Variants in SGO1 observed in about 807,000 individuals in gnomAD.
The protein encoded by SGO1 is serologically defined breast cancer antigen NY-BR-85.
In SGO1, 39 loss-of-function variants were observed where a neutral mutation model predicts 50.5. That is an observed-to-expected ratio of 0.77 (90% confidence interval 0.60 to 1.01). The LOEUF is 1.01. SGO1 is among the 50% of genes least tolerant of loss of function. SGO1 has a pLI of 0.00. For synonymous variants in SGO1, 191 were observed against 205.1 expected (o/e 0.93, Z 0.59); for missense variants, 638 against 606.0 (o/e 1.05, Z -0.55).
downstream of SGO1, among the ~76,000 whole-genome samples, chr3:20,167,126 T>C (rs1700346657): frequency 1.3e-5 from 2 of 151,962 alleles, no homozygotes; most frequent in South Asian, 2.1e-4. Flanking sequence ...AATAAAGCAA[T>C]GCAAAGAAGC....
Position 20,183,600 on chromosome 3 carries a change from G to C in SGO1, c.339+8C>G. ...AACTAAGAAATTCGGCCTTAGTAAT[G>C]AAAATACCTGAGCAGGTTCTACTGT... On this transcript the variant is annotated splice_region_variant and intron_variant, in intron 3 of 7. Coordinates refer to ENST00000412997, the MANE Select transcript of SGO1 (RefSeq NM_001199251.3). 2 of 1,562,580 alleles carry C rather than the reference G, an allele frequency of 1.3e-6. No individual in the cohort carries two copies. The highest frequency in any genetic ancestry group is 1.7e-6 in the Non-Finnish European group (2 of 1,160,444).
chr3:20,160,948 G>C, exon 9 of SGO1: 3 of 1,106,910 alleles, frequency 2.7e-6, no homozygotes, highest in Non-Finnish European at 3.8e-6. Flanking sequence ...TAATTAAAGG[G>C]CTTAGATTTT....
Position 20,170,763 on chromosome 3 carries a change from TAGG to T in SGO1, c.1522_1524del (p.Pro508del), listed in dbSNP as rs747279794. The T allele has an allele frequency of 4.4e-6, 7 of 1,595,716 alleles. No individual in the cohort carries two copies. Among genetic ancestry groups the T allele is most frequent in the Non-Finnish European group, 5.1e-6 (6 of 1,175,862 alleles). ...CTCAAATCCTTTTTCTGCTTGAAAA[TAGG>T]AGAATTCAAAAAACACAAATCTGTA... On this transcript the variant is annotated inframe_deletion, in exon 8 of 8. Coordinates refer to ENST00000412997, the MANE Select transcript of SGO1 (RefSeq NM_001199251.3).
At chr3:20,165,689 C>T (rs1160508730), downstream of SGO1, among the ~76,000 whole-genome samples, 4 of 151,958 alleles carry the variant, frequency 2.6e-5, no homozygotes, top group African/African-American at 9.7e-5. Context: ...GCCTTGATAC[C>T]GAAAATAGGT....
intron 4 of SGO1, 124 bp downstream of exon 4, chr3:20,178,147 C>G: frequency 2.9e-6 from 2 of 682,516 alleles, no homozygotes; most frequent in Admixed American, 5.0e-5. Context: ...AATATATTCT[C>G]AGTAGAGAAA....
Position 20,170,018 on chromosome 3 carries a change from C to A in SGO1, c.*686G>T, listed in dbSNP as rs1328907605. 1 of 984,646 alleles carries A rather than the reference C, an allele frequency of 1.0e-6. No individual in the cohort carries two copies. Among genetic ancestry groups the A allele is most frequent in the African/African-American group, 1.7e-5 (1 of 57,194 alleles). 61.0% of individuals were successfully genotyped at this position (984,646 alleles called of 1,614,324 possible). A position where few individuals can be genotyped will look rare whatever the true frequency, so the allele number is the denominator to read the frequency against. The stretch of plus-strand genomic sequence containing the variant: ...CTTAGAAAATCATTCACTTTAGTAT[C>A]CCCTACTTAAGGGAAAAATAGAGAT... On this transcript the variant is annotated 3_prime_UTR_variant, in exon 8 of 8. Coordinates refer to ENST00000412997, the MANE Select transcript of SGO1 (RefSeq NM_001199251.3).
intron 6 of SGO1, among the ~76,000 whole-genome samples, chr3:20,171,693 CCT>C (rs899651720): frequency 1.1e-4 from 17 of 152,202 alleles, no homozygotes; most frequent in African/African-American, 4.1e-4. Context: ...GGAATCAAGT[CCT>C]CTCTCTTTCA....
In SGO1 at chr3:20,183,922, G is replaced by A. The variant is rs377471833; in HGVS notation, c.106C>T (p.Arg36Cys). ...CATGGTGCAGCTATAAAAGACCTGC[G>A]TTTGCCAATCTCTGCCAAGTTTTTA... ...RNKNLAEIGK[R>C]RSFIAAPCQI... The change falls in exon 2 of 8, where the codon CGC (arginine) becomes TGC (cysteine). Residue 36 changes from arginine to cysteine, a missense_variant. Coordinates refer to ENST00000412997, the MANE Select transcript of SGO1 (RefSeq NM_001199251.3). 50 of 1,612,476 alleles carry A rather than the reference G, an allele frequency of 3.1e-5. No homozygotes were observed. Among genetic ancestry groups the A allele is most frequent in the Non-Finnish European group, 4.1e-5 (48 of 1,179,670 alleles).
rs779035279 is a variant in SGO1, at chr3:20,171,063, A to T, written c.1452T>A (p.Tyr484Ter). 6.3e-7 allele frequency: 1 copy of T among 1,595,996 alleles called. No homozygotes were observed. Among genetic ancestry groups the T allele is most frequent in the Non-Finnish European group, 8.5e-7 (1 of 1,175,452 alleles). The change falls in exon 7 of 8, where the codon TAT becomes TAA. Residue 484 changes from tyrosine (Y) to a stop codon, truncating the protein, a stop_gained. Transcript: ENST00000412997. LOFTEE classifies it high-confidence loss of function. ...PKRRCTASVN[Y>*]KEPTLASKLR... ...CTTACGAAGCGAGGGTGGGCTCCTT[A>T]TAGTTCACGCTGGCTGTGCACCTAC...
rs1224446548 is a variant in SGO1 at position 20,174,234 on chromosome 3, A to G, written c.1282+15T>C. On this transcript the variant is annotated intron_variant, in intron 6 of 7. Transcript: ENST00000412997. ...ACGAACATTAAAAATACAGGTAAAC[A>G]AGTAGATCACTTACTGGTAGGAGTT... 1.3e-6 allele frequency: 2 copies of G among 1,575,778 alleles called. No homozygotes were observed. The highest frequency in any genetic ancestry group is 1.1e-5 in the South Asian group (1 of 90,184).
chr3:20,186,656 AAGG>A (rs1050656179), upstream of SGO1: 2 of 152,210 alleles, frequency 1.3e-5, no homozygotes, highest in Non-Finnish European at 2.9e-5. Context: ...CTGGATTAAA[AAGG>A]TATTAGGGAA....
intron 6 of SGO1, among the ~76,000 whole-genome samples, chr3:20,171,569 G>T (rs1410945022): frequency 3.3e-5 from 5 of 152,096 alleles, no homozygotes; most frequent in Non-Finnish European, 7.4e-5. Flanking sequence ...AGACAGTGTT[G>T]AAATATTAAT....
At chr3:20,177,746 T>C (rs79476323) in intron 4 of SGO1, among the ~76,000 whole-genome samples, 2,508 of 152,354 alleles carry the variant, frequency 0.016, 25 homozygotes, top group Middle Eastern at 0.037. Context: ...TTTTACTGTT[T>C]ATAATTAAAT....
chr3:20,167,132 GAAGCCCATTCTATGACA>G (rs1700346964), downstream of SGO1, among the ~76,000 whole-genome samples: 1 of 152,058 alleles, frequency 6.6e-6, no homozygotes, highest in Admixed American at 6.6e-5. Context: ...GCAATGCAAA[GAAGCCCATTCTATGACA>G]AAGCTAGGAA....
chr3:20,173,350 G>C (rs1420886950), intron 6 of SGO1, among the ~76,000 whole-genome samples: 1 of 151,990 alleles, frequency 6.6e-6, no homozygotes, highest in Non-Finnish European at 1.5e-5. Flanking sequence ...ATGTTGGCCA[G>C]GCTGGTCTTG....
chr3:20,171,980 A>G (rs1700793788), intron 6 of SGO1, among the ~76,000 whole-genome samples: 1 of 152,192 alleles, frequency 6.6e-6, no homozygotes, highest in Non-Finnish European at 1.5e-5. Flanking sequence ...TGTATCCCCA[A>G]AAAAGTAAAA....
At position 20,163,384 on chromosome 3, in the gene SGO1, T is replaced by A. The variant is rs115111114; in HGVS notation, c.1565-2158A>T. Among the ~76,000 whole-genome samples, 143 of 152,296 alleles carry A rather than the reference T, an allele frequency of 9.4e-4. 1 individual carries two copies. In the Middle Eastern group the frequency reaches 0.01, roughly 11 times the overall value. The stretch of plus-strand genomic sequence containing the variant: ...TTCTTGGAGTTAGTTCTAACAGAAC[T>A]AACATTGGAATTGTCTGAATCATCA... On this transcript the variant is annotated intron_variant, in intron 8 of 8. Coordinates refer to the SGO1 transcript ENST00000263753.
chr3:20,166,577 G>A (rs1299797506), downstream of SGO1, among the ~76,000 whole-genome samples: 1 of 152,150 alleles, frequency 6.6e-6, no homozygotes, highest in Admixed American at 6.5e-5. Flanking sequence ...GAGGTTGGGA[G>A]AGAGGGGAGA....
upstream of SGO1, among the ~76,000 whole-genome samples, chr3:20,186,883 C>G (rs1025201027): frequency 1.3e-5 from 2 of 152,116 alleles, no homozygotes; most frequent in African/African-American, 4.8e-5. Context: ...TCTCTCATGC[C>G]CATCTTTTTC....
Sources: gnomAD v4.1 joint callset for allele counts (sites outside exome capture counted in the v4.1 genomes callset) on GRCh38, gnomAD v4.1.1 for gene constraint, MANE v1.5 for transcripts, NCBI Gene and HGNC (gene_info 2026-07-23, HGNC 2026-07-21) for gene names.